The following FHIT variants were observed in gnomAD, a reference collection of about 807,000 sequenced individuals.
FHIT encodes bis(5'-adenosyl)-triphosphatase.
FHIT carries 19 observed loss-of-function variants against 17.9 expected under a neutral mutation model. The ratio of observed to expected loss-of-function variants is 1.06; its 90% confidence interval spans 0.74 to 1.56. The LOEUF (loss-of-function observed/expected upper bound fraction) is 1.56. FHIT is among the 40% of genes most tolerant of loss of function. FHIT has a pLI of 0.00. For missense variants in FHIT, 248 were observed against 189.2 expected, an observed-to-expected ratio of 1.31 and a Z score of -1.82; for synonymous variants, 81 against 69.7, an observed-to-expected ratio of 1.16 and a Z score of -0.81.
intron 5 of FHIT, among the ~76,000 whole-genome samples, chr3:60,317,545 G>T (rs1020748903): frequency 6.8e-5 from 10 of 147,256 alleles, no homozygotes; most frequent in African/African-American, 2.2e-4. Context: ...TAATATATTG[G>T]AAATATATAT....
intron 4 of FHIT, among the ~76,000 whole-genome samples, chr3:60,585,299 G>C (rs553239623): frequency 2.6e-5 from 4 of 151,958 alleles, no homozygotes; most frequent in Non-Finnish European, 5.9e-5. Context: ...GAGATACGTA[G>C]ATTCAAATAA....
intron 5 of FHIT, among the ~76,000 whole-genome samples, chr3:60,219,025 A>G (rs1406171000): frequency 6.6e-6 from 1 of 152,166 alleles, no homozygotes. Context: ...GAAACTGGAA[A>G]TCACTGAATT....
At chr3:60,909,382 A>AAG (rs1162547320) in intron 3 of FHIT, among the ~76,000 whole-genome samples, 43 of 151,776 alleles carry the variant, frequency 2.8e-4, no homozygotes, top group South Asian at 8.4e-4. Flanking sequence ...AAAAAAAAAA[A>AAG]AAAATGAGGG....
intron 8 of FHIT, among the ~76,000 whole-genome samples, chr3:59,897,787 G>A (rs1704137496): frequency 1.4e-5 from 2 of 145,834 alleles, no homozygotes; most frequent in South Asian, 4.3e-4. Flanking sequence ...TTTTTTTTGA[G>A]AGGGAATCTC....
intron 5 of FHIT, among the ~76,000 whole-genome samples, chr3:60,263,446 T>C (rs1706402865): frequency 6.6e-6 from 1 of 152,016 alleles, no homozygotes; most frequent in South Asian, 2.1e-4. Context: ...AACCTAAATG[T>C]CCACTATCAG....
At chr3:60,707,158 G>A (rs567931861) in intron 4 of FHIT, among the ~76,000 whole-genome samples, 2 of 152,274 alleles carry the variant, frequency 1.3e-5, no homozygotes, top group South Asian at 2.1e-4. Flanking sequence ...AATAGGAAAC[G>A]AGTCCCTTTA....
chr3:60,263,945 G>C (rs977553664), intron 5 of FHIT, among the ~76,000 whole-genome samples: 1 of 151,494 alleles, frequency 6.6e-6, no homozygotes, highest in Non-Finnish European at 1.5e-5. Context: ...AAAGATTTTA[G>C]ATTTACGTTG....
intron 2 of FHIT, among the ~76,000 whole-genome samples, chr3:61,075,553 TGAG>T (rs1448822091): frequency 6.6e-6 from 1 of 151,266 alleles, no homozygotes; most frequent in East Asian, 1.9e-4. Context: ...CCAGAAAAGG[TGAG>T]GAGAACACAA....
At chr3:61,095,863 T>C (rs9820971) in intron 2 of FHIT, among the ~76,000 whole-genome samples, 105,133 of 152,104 alleles carry the variant, frequency 0.69, 37,558 homozygotes, top group African/African-American at 0.8. Flanking sequence ...GTAACAGATT[T>C]GCTATCTTGT....
chr3:60,361,334 A>G (rs1405567767), intron 5 of FHIT, among the ~76,000 whole-genome samples: 1 of 152,200 alleles, frequency 6.6e-6, no homozygotes, highest in Non-Finnish European at 1.5e-5. Context: ...TCAAGAGAGG[A>G]GAGGTGTTTG....
intron 4 of FHIT, among the ~76,000 whole-genome samples, chr3:60,599,690 A>G (rs1444121851): frequency 6.6e-5 from 10 of 151,706 alleles, no homozygotes; most frequent in Admixed American, 2.0e-4. Context: ...AAGTTAAAAA[A>G]AAAAAAAGGA....
At chr3:60,602,788 C>T (rs1282379912) in intron 4 of FHIT, among the ~76,000 whole-genome samples, 2 of 152,110 alleles carry the variant, frequency 1.3e-5, no homozygotes, top group African/African-American at 2.4e-5. Flanking sequence ...GTCATGAGGG[C>T]TCCATTCTCA....
At chr3:61,217,566 C>G (rs576931952) in intron 1 of FHIT, among the ~76,000 whole-genome samples, 6 of 152,282 alleles carry the variant, frequency 3.9e-5, no homozygotes, top group Admixed American at 1.3e-4. Flanking sequence ...ACACTGCACT[C>G]CACTGGTCAG....
chr3:60,049,504 C>A (rs1199190929), intron 5 of FHIT, among the ~76,000 whole-genome samples: 1 of 152,124 alleles, frequency 6.6e-6, no homozygotes, highest in East Asian at 1.9e-4. Flanking sequence ...ATGAATCAAT[C>A]AGTTCCAATG....
intron 2 of FHIT, among the ~76,000 whole-genome samples, chr3:61,184,862 C>T (rs765393080): frequency 7.9e-5 from 12 of 152,176 alleles, no homozygotes; most frequent in Non-Finnish European, 1.5e-4. Context: ...CTCACATTTT[C>T]TCAAAAGGCA....
intron 5 of FHIT, among the ~76,000 whole-genome samples, chr3:60,528,569 T>C (rs955589022): frequency 3.3e-5 from 5 of 152,118 alleles, no homozygotes; most frequent in Admixed American, 6.6e-5. Flanking sequence ...AAGAGTTCTG[T>C]TGGTCTTAAT....
chr3:60,430,003 A>G (rs1413865875), intron 5 of FHIT, among the ~76,000 whole-genome samples: 5 of 151,958 alleles, frequency 3.3e-5, no homozygotes, highest in Non-Finnish European at 7.4e-5. Flanking sequence ...CCGTGCCTTA[A>G]GAAGTTTCTG....
intron 4 of FHIT, among the ~76,000 whole-genome samples, chr3:60,751,216 T>TATA (rs1312373468): frequency 6.6e-6 from 1 of 152,238 alleles, no homozygotes; most frequent in Non-Finnish European, 1.5e-5. Flanking sequence ...CTGGCTTTAT[T>TATA]ACAACTGAAG....
intron 4 of FHIT, chr3:60,553,267 TATGGTCAA>T: frequency 4.0e-6 from 1 of 248,830 alleles, no homozygotes; most frequent in South Asian, 1.5e-4. Context: ...TCAGTTAGCC[TATGGTCAA>T]ATTGGTTTCA....
Sources: gnomAD v4.1 joint callset for allele counts (sites outside exome capture counted in the v4.1 genomes callset) on GRCh38, gnomAD v4.1.1 for gene constraint, MANE v1.5 for transcripts, NCBI Gene and HGNC (gene_info 2026-07-23, HGNC 2026-07-21) for gene names.